Variants in PPEF1 observed in about 807,000 individuals in gnomAD.
PPEF1 encodes the protein protein phosphatase with EF-hand domain 1.
A neutral mutation model predicts 53.3 loss-of-function variants in PPEF1; 12 were observed. The ratio of observed to expected loss-of-function variants is 0.23; its 90% CI spans 0.14 to 0.36. The LOEUF (loss-of-function observed/expected upper bound fraction) is 0.36. PPEF1 is among the 10% of genes least tolerant of loss of function. The pLI, the probability that PPEF1 is intolerant of heterozygous loss-of-function variation, is 1.00. For missense variants in PPEF1, 334 were observed against 490.4 expected (o/e 0.68, Z 3.01); for synonymous variants, 165 against 176.7 (o/e 0.93, Z 0.52).
At chrX:18,746,518 CT>C (rs1194295299) in intron 3 of PPEF1, among the ~76,000 whole-genome samples, 9 of 110,690 alleles carry the variant, frequency 8.1e-5, no homozygotes, top group Admixed American at 6.8e-4. Context: ...CCAAGCTTCT[CT>C]TTTTTTTAAA....
In PPEF1 at chrX:18,770,467, T is replaced by C. The variant is rs1309559560; in HGVS notation, c.559-8543T>C. On this transcript the variant is annotated intron_variant, in intron 6 of 15. Transcript: ENST00000470157. ...CTCCTTTTAGAATCACTTTCAGAGA[T>C]AGTGACATACTCTCTTGAATGAGCT... Among the ~76,000 whole-genome samples, 12 of 111,770 alleles carry C rather than the reference T, an allele frequency of 1.1e-4. 1 individual carries two copies. Among genetic ancestry groups the C allele is most frequent in the East Asian group, 8.5e-4 (3 of 3,550 alleles).
chrX:18,708,610 C>T (rs1237297231), intron 1 of PPEF1, among the ~76,000 whole-genome samples: 1 of 112,219 alleles, frequency 8.9e-6, no homozygotes, highest in African/African-American at 3.2e-5. Context: ...TTCTATTCCA[C>T]GTCTTGCCTT....
At chrX:18,753,104 G>A (rs960534964) in intron 4 of PPEF1, among the ~76,000 whole-genome samples, 2 of 111,631 alleles carry the variant, frequency 1.8e-5, no homozygotes, top group Non-Finnish European at 3.8e-5. Flanking sequence ...GTTTAGTAGA[G>A]TTCACCATTG....
intron 3 of PPEF1, chrX:18,688,775 T>C (rs1276342544): frequency 8.9e-6 from 1 of 112,142 alleles, no homozygotes; most frequent in African/African-American, 3.2e-5. Flanking sequence ...TCAAATACAT[T>C]TAAGAAATAC....
chrX:18,720,349 T>C (rs1411889078), intron 1 of PPEF1, among the ~76,000 whole-genome samples: 6 of 111,942 alleles, frequency 5.4e-5, no homozygotes, highest in Non-Finnish European at 1.1e-4. Flanking sequence ...CCCAGCACTT[T>C]GGGAAGCTGA....
intron 1 of PPEF1, among the ~76,000 whole-genome samples, chrX:18,715,100 C>T (rs1301267653): frequency 2.7e-5 from 3 of 111,732 alleles, no homozygotes; most frequent in Non-Finnish European, 3.8e-5. Flanking sequence ...GGGCCAGGCG[C>T]GGTGACTCAC....
intron 11 of PPEF1, among the ~76,000 whole-genome samples, 192 bp downstream of exon 11, chrX:18,804,269 G>C (rs2046611836): frequency 9.2e-6 from 1 of 108,139 alleles, no homozygotes; most frequent in African/African-American, 3.4e-5. Context: ...AAAGATATTT[G>C]GTTTATTTCC....
At chrX:18,741,148 G>A (rs2045150855) in intron 3 of PPEF1, among the ~76,000 whole-genome samples, 1 of 111,986 alleles carries the variant, frequency 8.9e-6, no homozygotes, top group Admixed American at 9.5e-5. Flanking sequence ...GTGGGTGGAA[G>A]TGGGTACTTT....
At chrX:18,737,951 C>CA (rs1555969411) in intron 3 of PPEF1, among the ~76,000 whole-genome samples, 3 of 109,505 alleles carry the variant, frequency 2.7e-5, no homozygotes, top group African/African-American at 1.0e-4. Flanking sequence ...GCAACCCCTG[C>CA]TTTTTTTTTG....
At chrX:18,811,586 A>C (rs1322479167) in intron 12 of PPEF1, among the ~76,000 whole-genome samples, 2 of 38,771 alleles carry the variant, frequency 5.2e-5, no homozygotes, top group Non-Finnish European at 5.0e-5. Flanking sequence ...TCACTTATTC[A>C]GTATATATAT....
intron 1 of PPEF1, among the ~76,000 whole-genome samples, chrX:18,711,752 A>T (rs1306382904): frequency 2.2e-5 from 2 of 90,805 alleles, no homozygotes; most frequent in African/African-American, 8.2e-5. Context: ...GGATTACTAT[A>T]GCTTTTTTTT....
chrX:18,786,656 A>G (rs1352491700), intron 9 of PPEF1, among the ~76,000 whole-genome samples: 1 of 108,117 alleles, frequency 9.2e-6, no homozygotes, highest in Non-Finnish European at 1.9e-5. Context: ...GGTGGTGCAC[A>G]CCTGTAATCC....
upstream of PPEF1, among the ~76,000 whole-genome samples, chrX:18,678,730 G>C (rs1928771314): frequency 9.0e-6 from 1 of 111,471 alleles, no homozygotes; most frequent in South Asian, 3.8e-4. Flanking sequence ...TCGGCTTTTA[G>C]GATGCGGACC....
At chrX:18,822,654 G>A (rs996548910) in intron 13 of PPEF1, among the ~76,000 whole-genome samples, 5 of 110,366 alleles carry the variant, frequency 4.5e-5, no homozygotes, top group African/African-American at 1.6e-4. Flanking sequence ...GACTACAGGC[G>A]CCCGCCACCA....
chrX:18,740,591 A>G (rs1216090739), intron 3 of PPEF1, among the ~76,000 whole-genome samples: 1 of 109,806 alleles, frequency 9.1e-6, no homozygotes, highest in African/African-American at 3.3e-5. Context: ...TTGTATTTTT[A>G]GTAGAGACAG....
At chrX:18,783,111 CAAA>C (rs139197097) in intron 8 of PPEF1, among the ~76,000 whole-genome samples, 8 of 59,122 alleles carry the variant, frequency 1.4e-4, no homozygotes, top group Admixed American at 2.3e-4. Context: ...GACTCCATCT[CAAA>C]AAAAAAAAAA....
At chrX:18,810,685 A>G (rs2147715205) in intron 12 of PPEF1, among the ~76,000 whole-genome samples, 1 of 112,241 alleles carries the variant, frequency 8.9e-6, no homozygotes, top group Admixed American at 9.5e-5. Flanking sequence ...GAGGTCATTC[A>G]TGTTGTATTC....
chrX:18,679,471 C>T (rs776200255), upstream of PPEF1, among the ~76,000 whole-genome samples: 1 of 111,569 alleles, frequency 9.0e-6, no homozygotes, highest in Non-Finnish European at 1.9e-5. Context: ...TTTTCTTACA[C>T]CCCCAGTGTA....
chrX:18,698,070 C>G (rs745619545), intron 5 of PPEF1: 1 of 111,485 alleles, frequency 9.0e-6, no homozygotes, highest in African/African-American at 3.3e-5. Flanking sequence ...GAAGAGGGAT[C>G]GTAATAGTAT....
Sources: allele counts gnomAD v4.1 joint callset (sites outside exome capture counted in the v4.1 genomes callset), GRCh38; gene constraint gnomAD v4.1.1; transcripts MANE v1.5; gene names NCBI Gene and HGNC (gene_info 2026-07-23, HGNC 2026-07-21).